Variants in WDR12 observed in about 807,000 individuals in gnomAD.
WDR12 encodes ribosome biogenesis protein WDR12.
WDR12 carries 42 observed loss-of-function variants against 64.3 expected under a neutral mutation model. The observed-to-expected ratio is 0.65, with a 90% CI of 0.51 to 0.84. WDR12 has a LOEUF of 0.84. Among genes scored for constraint, WDR12 ranks in the 40% least tolerant of loss-of-function variants. WDR12 has a pLI of 0.00. For synonymous variants in WDR12, 158 were observed against 173.3 expected, an observed-to-expected ratio of 0.91 and a Z score of 0.70; for missense variants, 469 against 494.6, an observed-to-expected ratio of 0.95 and a Z score of 0.49.
At chr2:202,898,758 A>G (rs551386298) in intron 4 of WDR12, among the ~76,000 whole-genome samples, 1 of 152,234 alleles carries the variant, frequency 6.6e-6, no homozygotes, top group South Asian at 2.1e-4. Context: ...GAAACAAACT[A>G]TATCCTTGGT....
At chr2:202,881,450 T>C (rs1559157615) in intron 12 of WDR12, among the ~76,000 whole-genome samples, 1 of 152,148 alleles carries the variant, frequency 6.6e-6, no homozygotes, top group Non-Finnish European at 1.5e-5. Flanking sequence ...CAATTAGTCT[T>C]AAGTAGTGAG....
At chr2:202,909,698 G>A (rs1197301474) in intron 1 of WDR12, among the ~76,000 whole-genome samples, 1 of 151,494 alleles carries the variant, frequency 6.6e-6, no homozygotes, top group African/African-American at 2.4e-5. Context: ...GTATATTCTT[G>A]TGTGTGTGTG....
intron 8 of WDR12, among the ~76,000 whole-genome samples, chr2:202,886,593 C>A (rs1272295828): frequency 1.3e-5 from 2 of 152,012 alleles, no homozygotes; most frequent in Non-Finnish European, 2.9e-5. Context: ...CATGGAGAAG[C>A]CCCGTCTCTA....
intron 2 of WDR12, among the ~76,000 whole-genome samples, chr2:202,905,696 G>A (rs1426245616): frequency 2.0e-5 from 3 of 152,196 alleles, no homozygotes; most frequent in Admixed American, 6.5e-5. Context: ...CCATAAAAAA[G>A]AATGAGATCC....
In WDR12 at chr2:202,880,680, C is replaced by T. The variant is rs1468627006; in HGVS notation, c.*180G>A. 1 of 373,116 alleles carries T rather than the reference C, an allele frequency of 2.7e-6. No individual in the cohort carries two copies. The highest frequency in any genetic ancestry group is 4.8e-6 in the Non-Finnish European group (1 of 207,640). The allele number at this position is 373,116 out of a possible 1,614,324, so 23.1% of individuals were successfully genotyped here. The stretch of plus-strand genomic sequence containing the variant: ...TATGCCACAGTTTGTATTTTATAAA[C>T]ACAACCTATCTTATTATAAATACAA... On this transcript the variant is annotated 3_prime_UTR_variant, in exon 13 of 13. Transcript: ENST00000261015.
In WDR12 at chr2:202,884,230, C is replaced by T; in HGVS notation, c.956G>A (p.Arg319Lys). 1 of 1,613,380 alleles carries T rather than the reference C, an allele frequency of 6.2e-7. No individual in the cohort carries two copies. ...TCGGGGATCCCACAGTCTGATATGC[C>T]TATCTGTGCTTCCAGATGCTAAACG... ...CKRLASGSTD[R>K]HIRLWDPRTK... The change falls in exon 10 of 13, where the codon AGG (arginine) becomes AAG (lysine). Residue 319 changes from arginine (R) to lysine (K), a missense_variant. Physicochemically the swap from Arg to Lys is conservative, Grantham distance 26. Transcript: ENST00000261015.
chr2:202,902,472 C>G (rs1247437905), intron 2 of WDR12, among the ~76,000 whole-genome samples: 2 of 152,202 alleles, frequency 1.3e-5, no homozygotes, highest in African/African-American at 4.8e-5. Flanking sequence ...TACCCTCTAT[C>G]TGGGTAGGTA....
At position 202,894,664 on chromosome 2, in the gene WDR12, T is replaced by C. The variant is rs756149773; in HGVS notation, c.610-38A>G. 2.0e-6 allele frequency: 3 copies of C among 1,537,798 alleles called. No homozygotes were observed. In the South Asian group the frequency reaches 3.6e-5, roughly 19 times the overall value. On this transcript the variant is annotated intron_variant, in intron 6 of 12. Transcript: ENST00000261015. ...ATATGAAGGGAAAAGACATATGTAA[T>C]ATGATTCATATTATTTGCCTACAAC...
rs1473505611 is a variant in WDR12 at position 202,874,786 on chromosome 2, T to G, written c.*6074A>C. On this transcript the variant is annotated 3_prime_UTR_variant, in exon 13 of 13. Transcript: ENST00000261015. ...TACTGCAAGCTAAACATTCTGTCTC[T>G]TCCCTACTACATTTCTGTTTATTCA... The G allele has an allele frequency of 6.6e-6, 1 of 152,198 alleles. No individual in the cohort carries two copies. The highest frequency in any genetic ancestry group is 1.5e-5 in the Non-Finnish European group (1 of 68,036). 9.4% of individuals were successfully genotyped at this position (152,198 alleles called of 1,614,324 possible). A position where few individuals can be genotyped will look rare whatever the true frequency, so the allele number is the denominator to read the frequency against.
rs1687933714 is a variant in WDR12, at chr2:202,880,721, T to C, written c.*139A>G. 5 of 517,054 alleles carry C rather than the reference T, an allele frequency of 9.7e-6. No individual in the cohort carries two copies. Among genetic ancestry groups the C allele is most frequent in the Non-Finnish European group, 1.6e-5 (5 of 304,764 alleles). 32.0% of individuals were successfully genotyped at this position (517,054 alleles called of 1,614,324 possible). A position where few individuals can be genotyped will look rare whatever the true frequency, so the allele number is the denominator to read the frequency against. ...ATAAATACAAAATAAGAAAAAGTGA[T>C]ACGTTAGCTGTTATGAAGGGTGAAA... On this transcript the variant is annotated 3_prime_UTR_variant, in exon 13 of 13. Transcript: ENST00000261015.
chr2:202,886,461 AAAAC>A (rs145878024), intron 8 of WDR12, among the ~76,000 whole-genome samples: 4,321 of 151,184 alleles, frequency 0.029, 200 homozygotes, highest in African/African-American at 0.098. Context: ...CTGTCTCTTA[AAAAC>A]AAACAAACAA....
intron 8 of WDR12, among the ~76,000 whole-genome samples, chr2:202,891,652 T>A (rs927218052): frequency 6.6e-6 from 1 of 152,244 alleles, no homozygotes; most frequent in African/African-American, 2.4e-5. Flanking sequence ...CAACAATTTT[T>A]ACAAGATATT....
intron 2 of WDR12, among the ~76,000 whole-genome samples, chr2:202,906,877 T>C (rs777964713): frequency 6.6e-6 from 1 of 152,128 alleles, no homozygotes; most frequent in Non-Finnish European, 1.5e-5. Context: ...TATGGAAAAG[T>C]TCAGAAATAT....
intron 8 of WDR12, among the ~76,000 whole-genome samples, chr2:202,892,380 T>A (rs1336511928): frequency 6.6e-6 from 1 of 152,142 alleles, no homozygotes; most frequent in East Asian, 1.9e-4. Flanking sequence ...AACTAAATCA[T>A]CAACCTAGCA....
At position 202,897,405 on chromosome 2, in the gene WDR12, C is replaced by A; in HGVS notation, c.349G>T (p.Gly117Cys). The change falls in exon 5 of 13, where the codon GGT (glycine) becomes TGT (cysteine). Residue 117 changes from glycine to cysteine, a missense_variant. Physicochemically the swap from Gly to Cys is radical, Grantham distance 159 (BLOSUM62 -3). Coordinates refer to ENST00000261015, the MANE Select transcript of WDR12 (RefSeq NM_018256.4). ...ATCCGAGAAGTCTTATCATAAGAAC[C>A]AGTCAAGATCCTATGAGAAAAAAAA... is the stretch of plus-strand genomic sequence containing the variant. ...IKGAEEWILT[G>C]SYDKTSRIWS... 1 of 1,541,510 alleles carries A rather than the reference C, an allele frequency of 6.5e-7. No individual in the cohort carries two copies. The highest frequency in any genetic ancestry group is 2.4e-5 in the East Asian group (1 of 41,278).
chr2:202,890,344 T>C (rs1279598192), intron 8 of WDR12, among the ~76,000 whole-genome samples: 1 of 152,190 alleles, frequency 6.6e-6, no homozygotes, highest in Non-Finnish European at 1.5e-5. Flanking sequence ...TAATCTAAGA[T>C]GGCACAACTC....
chr2:202,897,546 T>C, intron 4 of WDR12, 131 bp from the exon 5 acceptor site: 1 of 480,742 alleles, frequency 2.1e-6, no homozygotes. Context: ...GATTGAGATT[T>C]CAAGCCATAC....
At position 202,880,248 on chromosome 2, in the gene WDR12, A is replaced by G. The variant is rs1232135086; in HGVS notation, c.*612T>C. The G allele has an allele frequency of 1.3e-5, 2 of 152,092 alleles. No individual in the cohort carries two copies. Among genetic ancestry groups the G allele is most frequent in the African/African-American group, 2.4e-5 (1 of 41,422 alleles). 9.4% of individuals were successfully genotyped at this position (152,092 alleles called of 1,614,324 possible). On this transcript the variant is annotated 3_prime_UTR_variant, in exon 13 of 13. Coordinates refer to ENST00000261015, the MANE Select transcript of WDR12 (RefSeq NM_018256.4). ...AATCAATTACTGGATTTCCAATATAACCTTTTACAGCATTTCAAAAACAAA... is the reference window on the plus strand; with the variant it reads ...AATCAATTACTGGATTTCCAATATAGCCTTTTACAGCATTTCAAAAACAAA...
intron 1 of WDR12, among the ~76,000 whole-genome samples, chr2:202,908,449 G>C (rs1688502087): frequency 6.6e-6 from 1 of 152,178 alleles, no homozygotes; most frequent in Non-Finnish European, 1.5e-5. Context: ...GACACAGCAA[G>C]ACCCTGTCTC....
Sources: gnomAD v4.1 joint callset for allele counts (sites outside exome capture counted in the v4.1 genomes callset) on GRCh38, gnomAD v4.1.1 for gene constraint, MANE v1.5 for transcripts, NCBI Gene and HGNC (gene_info 2026-07-23, HGNC 2026-07-21) for gene names.